The following ANKRD44 variants were observed in gnomAD, a reference collection of about 807,000 sequenced individuals.
The protein encoded by ANKRD44 is ankyrin repeat domain 44.
In ANKRD44, 35 loss-of-function variants were observed where a neutral mutation model predicts 116.0. The observed-to-expected ratio is 0.30, with a 90% CI of 0.23 to 0.40. ANKRD44 has a LOEUF of 0.40. ANKRD44 is among the 10% of genes least tolerant of loss of function. The pLI, the probability that ANKRD44 is intolerant of heterozygous loss-of-function variation, is 1.00. For missense variants in ANKRD44, 1,014 were observed against 1,242.6 expected, an observed-to-expected ratio of 0.82 and a Z score of 2.77; for synonymous variants, 435 against 461.8, an observed-to-expected ratio of 0.94 and a Z score of 0.74.
intron 23 of ANKRD44, among the ~76,000 whole-genome samples, chr2:196,999,786 G>T (rs1240952922): frequency 6.6e-6 from 1 of 151,872 alleles, no homozygotes; most frequent in Non-Finnish European, 1.5e-5. Flanking sequence ...GTAGAGATGG[G>T]GTTTCACCAT....
intron 1 of ANKRD44, among the ~76,000 whole-genome samples, chr2:197,237,889 C>T (rs1265147383): frequency 6.6e-6 from 1 of 152,184 alleles, no homozygotes; most frequent in African/African-American, 2.4e-5. Context: ...TTCCGGATGC[C>T]CTTCCACTCC....
chr2:197,166,761 C>T (rs962613144), intron 2 of ANKRD44, among the ~76,000 whole-genome samples: 1 of 152,178 alleles, frequency 6.6e-6, no homozygotes, highest in East Asian at 1.9e-4. Context: ...GACAGCAGAG[C>T]CACACTTGGA....
At chr2:196,994,949 T>C (rs1336337447) in intron 26 of ANKRD44, 1 of 153,132 alleles carries the variant, frequency 6.5e-6, no homozygotes, top group Admixed American at 6.5e-5. Context: ...TATTAAAATA[T>C]AATCAAGACA....
chr2:197,156,946 G>A (rs1397118216), intron 2 of ANKRD44, among the ~76,000 whole-genome samples: 1 of 152,218 alleles, frequency 6.6e-6, no homozygotes, highest in South Asian at 2.1e-4. Flanking sequence ...GGGCCTAAGG[G>A]AGAGACTGGG....
At chr2:197,110,968 T>A (rs1403812092) in intron 8 of ANKRD44, 124 bp from the exon 9 acceptor site, 3 of 703,038 alleles carry the variant, frequency 4.3e-6, no homozygotes, top group Non-Finnish European at 5.0e-6. Flanking sequence ...ATTTATTTTT[T>A]AAGTATGATC....
At chr2:197,146,029 C>T (rs775541730) in intron 3 of ANKRD44, among the ~76,000 whole-genome samples, 42 of 152,202 alleles carry the variant, frequency 2.8e-4, no homozygotes, top group Middle Eastern at 3.4e-3. Flanking sequence ...AGGGAGAAAG[C>T]ATATAATGGT....
intron 27 of ANKRD44, chr2:196,990,792 T>G (rs2075900822): frequency 8.1e-7 from 1 of 1,232,092 alleles, no homozygotes; most frequent in African/African-American, 1.6e-5. Flanking sequence ...CCTGCTCAAA[T>G]TGTCTTTTTT....
chr2:197,159,527 T>G (rs1177187269), intron 2 of ANKRD44, among the ~76,000 whole-genome samples: 1 of 152,268 alleles, frequency 6.6e-6, no homozygotes, highest in African/African-American at 2.4e-5. Flanking sequence ...AAAGCTTTTC[T>G]TAAGTAATCA....
chr2:197,061,346 G>A (rs2125053733), intron 16 of ANKRD44, among the ~76,000 whole-genome samples: 1 of 152,304 alleles, frequency 6.6e-6, no homozygotes, highest in African/African-American at 2.4e-5. Context: ...ACTGCAGGAG[G>A]TGGTAGAGTG....
rs189040701 is a variant in ANKRD44 at position 197,096,176 on chromosome 2, T to G, written c.1100+3640A>C. ...AATCGCTCTGGCATCACACTTAGCA[T>G]GCATGATTGTATTGCTTGTTTAAAT... On this transcript the variant is annotated intron_variant, in intron 10 of 27. Coordinates refer to ENST00000282272, the MANE Select transcript of ANKRD44 (RefSeq NM_001195144.2). Among the ~76,000 whole-genome samples, 7 of 152,310 alleles carry G rather than the reference T, an allele frequency of 4.6e-5. No homozygotes were observed. In the East Asian group the frequency reaches 1.3e-3, roughly 29 times the overall value.
intron 1 of ANKRD44, among the ~76,000 whole-genome samples, chr2:197,264,093 T>A (rs930925419): frequency 6.6e-6 from 1 of 152,092 alleles, no homozygotes; most frequent in Non-Finnish European, 1.5e-5. Context: ...TGTTTCTTAT[T>A]TTAAAAAGAA....
intron 1 of ANKRD44, among the ~76,000 whole-genome samples, chr2:197,210,106 G>A (rs993916012): frequency 6.6e-6 from 1 of 152,204 alleles, no homozygotes; most frequent in South Asian, 2.1e-4. Flanking sequence ...TCACACCTTA[G>A]TGGAGAATGT....
At chr2:197,006,049 G>C in intron 20 of ANKRD44, 139 bp from the exon 21 acceptor site, 1 of 747,838 alleles carries the variant, frequency 1.3e-6, no homozygotes, top group Non-Finnish European at 2.2e-6. Flanking sequence ...CCTATTTCAA[G>C]GGCAGAAGGC....
chr2:197,086,754 AAGAC>A lies in ANKRD44; in HGVS notation c.1248-10_1248-7del. ...GTTTTATACATTCCACATTACTAGA[AAGAC>A]AGGGAAAACATCATTAAGATGGAAG... On this transcript the variant is annotated splice_region_variant and splice_polypyrimidine_tract_variant and intron_variant, in intron 12 of 27. Coordinates refer to ENST00000282272, the MANE Select transcript of ANKRD44 (RefSeq NM_001195144.2). 6.2e-7 allele frequency: 1 copy of A among 1,613,336 alleles called. No individual in the cohort carries two copies. Among genetic ancestry groups the A allele is most frequent in the South Asian group, 1.1e-5 (1 of 91,062 alleles).
intron 9 of ANKRD44, among the ~76,000 whole-genome samples, chr2:197,109,772 T>C (rs1324416535): frequency 6.6e-6 from 1 of 152,176 alleles, no homozygotes; most frequent in Non-Finnish European, 1.5e-5. Flanking sequence ...CTGGTTTTTG[T>C]CTTTTTTAAA....
intron 1 of ANKRD44, among the ~76,000 whole-genome samples, chr2:197,280,641 C>T (rs755710720): frequency 1.3e-5 from 2 of 152,062 alleles, no homozygotes; most frequent in Non-Finnish European, 2.9e-5. Flanking sequence ...TGATAAGCCT[C>T]GCGGATGAGA....
chr2:197,029,509 C>A, intron 16 of ANKRD44: 1 of 474,912 alleles, frequency 2.1e-6, no homozygotes, highest in South Asian at 1.5e-5. Flanking sequence ...CCATATAATT[C>A]ATCTAACTTC....
Position 197,099,812 on chromosome 2 carries a change from C to G in ANKRD44, c.1100+4G>C, listed in dbSNP as rs766787820. The G allele has an allele frequency of 1.5e-5, 24 of 1,613,554 alleles. No individual in the cohort carries two copies. In the Admixed American group the frequency reaches 3.7e-4, roughly 25 times the overall value. On this transcript the variant is annotated splice_donor_region_variant and intron_variant, in intron 10 of 27. Coordinates refer to ENST00000282272, the MANE Select transcript of ANKRD44 (RefSeq NM_001195144.2). ...TATTCCACCGTATTTTTGCGGTAAC[C>G]TACTTGGCTGTGTCAGCTCCGCTGG...
intron 25 of ANKRD44, among the ~76,000 whole-genome samples, chr2:196,996,460 G>A (rs1359138291): frequency 6.6e-6 from 1 of 152,150 alleles, no homozygotes; most frequent in Non-Finnish European, 1.5e-5. Flanking sequence ...ATAAATCACC[G>A]CCATGGGTGC....
Sources: gnomAD v4.1 joint callset for allele counts (sites outside exome capture counted in the v4.1 genomes callset) on GRCh38, gnomAD v4.1.1 for gene constraint, MANE v1.5 for transcripts, NCBI Gene and HGNC (gene_info 2026-07-23, HGNC 2026-07-21) for gene names.